The following MYCBP2 variants were observed in gnomAD, a reference collection of about 807,000 sequenced individuals.
MYCBP2 encodes the protein MYC binding protein 2.
In MYCBP2, 120 loss-of-function variants were observed where a neutral mutation model predicts 525.3. The observed-to-expected ratio is 0.23, with a 90% confidence interval of 0.20 to 0.27. The LOEUF (loss-of-function observed/expected upper bound fraction) is 0.27. MYCBP2 is among the 10% of genes least tolerant of loss of function. The pLI is 1.00. For missense variants in MYCBP2, 4,149 were observed against 5,657.1 expected (o/e 0.73, Z 8.55); for synonymous variants, 1,894 against 1,955.8 (o/e 0.97, Z 0.83).
At chr13:77,056,099 G>GGGGGGT (rs536899192) in intron 79 of MYCBP2, among the ~76,000 whole-genome samples, 2 of 120,522 alleles carry the variant, frequency 1.7e-5, no homozygotes, top group African/African-American at 6.6e-5. Context: ...CTCTGTGTTT[G>GGGGGGT]GTGTGTGTGT....
intron 61 of MYCBP2, among the ~76,000 whole-genome samples, chr13:77,088,612 A>G (rs2044788231): frequency 6.6e-6 from 1 of 152,042 alleles, no homozygotes; most frequent in Non-Finnish European, 1.5e-5. Flanking sequence ...AAAGCAATAC[A>G]GAAATAAATT....
chr13:77,243,221 A>G, intron 16 of MYCBP2, 61 bp from the exon 17 acceptor site: 1 of 1,224,956 alleles, frequency 8.2e-7, no homozygotes, highest in South Asian at 1.2e-5. Context: ...TAGCTATGAC[A>G]GAACTACATA....
intron 1 of MYCBP2, among the ~76,000 whole-genome samples, chr13:77,318,702 C>T (rs1226372653): frequency 6.6e-5 from 10 of 152,128 alleles, no homozygotes; most frequent in Non-Finnish European, 1.5e-4. Context: ...TGCAGTGAGC[C>T]GAGATCGCAC....
chr13:77,062,512 T>C, intron 74 of MYCBP2, 84 bp downstream of exon 74: 1 of 1,154,594 alleles, frequency 8.7e-7, no homozygotes, highest in African/African-American at 1.5e-5. Context: ...TGATGTGTTT[T>C]TTGTTTGTTT....
intron 8 of MYCBP2, among the ~76,000 whole-genome samples, chr13:77,265,987 G>A (rs1347321757): frequency 6.6e-6 from 1 of 152,098 alleles, no homozygotes; most frequent in East Asian, 1.9e-4. Flanking sequence ...AACACAGAAA[G>A]CCACACTTGT....
At position 77,156,072 on chromosome 13, in the gene MYCBP2, C is replaced by T. The variant is rs768855872; in HGVS notation, c.6901G>A (p.Val2301Ile). Residue 2301 changes from valine (V) to isoleucine (I), a missense_variant, in exon 46 of 83, where the codon GTT (valine) becomes ATT (isoleucine). Physicochemically the swap from Val to Ile is conservative, Grantham distance 29 (BLOSUM62 3). Transcript: ENST00000544440. ...TKDQYGDVVH[V>I]PNMKVEVKAV... ...GTTATAATTACCTTCATATTGGGAA[C>T]ATGTACCACATCCCCATACTGGTCT... The T allele has an allele frequency of 6.2e-6, 10 of 1,612,850 alleles. No individual in the cohort carries two copies. In the South Asian group the frequency reaches 8.8e-5, roughly 14 times the overall value.
Position 77,326,879 on chromosome 13 carries a change from G to T in MYCBP2, c.-104C>A. 8.9e-7 allele frequency: 1 copy of T among 1,122,468 alleles called. No homozygotes were observed. Among genetic ancestry groups the T allele is most frequent in the South Asian group, 2.4e-5 (1 of 41,502 alleles). The allele number at this position is 1,122,468 out of a possible 1,614,324, so 69.5% of individuals were successfully genotyped here. Reference sequence around the variant, plus strand: ...TTCCAACGACGACGGCTCCGGCGGCGGCCTCTGGCTCCCGCAGCAGGGAGA... The same window carrying T: ...TTCCAACGACGACGGCTCCGGCGGCTGCCTCTGGCTCCCGCAGCAGGGAGA... On this transcript the variant is annotated 5_prime_UTR_variant, in exon 1 of 83. Transcript: ENST00000544440. This position sits in a 1 kb window ranked among gnomAD's most constrained non-coding sequence, Gnocchi z 4.2.
intron 3 of MYCBP2, among the ~76,000 whole-genome samples, chr13:77,286,282 T>C (rs2076749638): frequency 1.3e-5 from 2 of 152,164 alleles, no homozygotes. Context: ...AATTTTAAGG[T>C]ATCAGTTTAG....
At chr13:77,214,279 C>T (rs1185955699) in intron 21 of MYCBP2, among the ~76,000 whole-genome samples, 4 of 152,178 alleles carry the variant, frequency 2.6e-5, no homozygotes, top group Admixed American at 2.6e-4. Flanking sequence ...ACTACATAGG[C>T]ATTAACCTTC....
chr13:77,298,038 C>T (rs777597288), intron 1 of MYCBP2, among the ~76,000 whole-genome samples: 1 of 152,196 alleles, frequency 6.6e-6, no homozygotes, highest in African/African-American at 2.4e-5. Context: ...CTTCTCAATT[C>T]TCTTAAGATA....
chr13:77,136,399 A>C (rs2053771511), intron 52 of MYCBP2, among the ~76,000 whole-genome samples: 1 of 152,188 alleles, frequency 6.6e-6, no homozygotes, highest in South Asian at 2.1e-4. Context: ...GGATTTTATT[A>C]AATCTTCTAA....
Position 77,176,541 on chromosome 13 carries a change from TG to T in MYCBP2, c.5427del (p.Ser1810ValfsTer3). ...VKGTYTTDDS[P>X]SDIAEIRLDK... The stretch of plus-strand genomic sequence containing the variant: ...TCAAGTCTGATCTCAGCTATATCAC[TG>T]GGTGAGTCATCCGTTGTGTACGTTC... On this transcript the variant is annotated frameshift_variant, in exon 36 of 83. Transcript: ENST00000544440. LOFTEE classifies it high-confidence loss of function. 6.3e-7 allele frequency: 1 copy of T among 1,599,632 alleles called. No individual in the cohort carries two copies. Among genetic ancestry groups the T allele is most frequent in the South Asian group, 1.1e-5 (1 of 88,580 alleles).
At chr13:77,114,631 ACT>A (rs1006676790) in intron 55 of MYCBP2, among the ~76,000 whole-genome samples, 2 of 151,672 alleles carry the variant, frequency 1.3e-5, no homozygotes, top group Non-Finnish European at 2.9e-5. Flanking sequence ...TAATAGAAAA[ACT>A]CTTGTTGCAA....
At chr13:77,296,315 G>A (rs1388172050) in intron 2 of MYCBP2, among the ~76,000 whole-genome samples, 1 of 151,950 alleles carries the variant, frequency 6.6e-6, no homozygotes, top group Non-Finnish European at 1.5e-5. Context: ...AGCTACTCAG[G>A]AGGCTGAGGT....
chr13:77,180,096 T>G (rs1007189810), intron 34 of MYCBP2, 31 bp downstream of exon 34: 2 of 1,551,190 alleles, frequency 1.3e-6, no homozygotes, highest in African/African-American at 2.7e-5. Flanking sequence ...CACATGTGCT[T>G]TTTATCCAGT....
At chr13:77,105,162 G>A (rs2154137776) in intron 55 of MYCBP2, among the ~76,000 whole-genome samples, 1 of 152,182 alleles carries the variant, frequency 6.6e-6, no homozygotes, top group South Asian at 2.1e-4. Context: ...CTAAAAATCT[G>A]TGAAGACTCC....
At chr13:77,229,408 C>G (rs1362598531) in intron 18 of MYCBP2, among the ~76,000 whole-genome samples, 4 of 152,112 alleles carry the variant, frequency 2.6e-5, no homozygotes, top group Non-Finnish European at 5.9e-5. Context: ...AATGGTAGGA[C>G]AAATTTAGAG....
chr13:77,073,125 G>T (rs2041672219), intron 68 of MYCBP2, among the ~76,000 whole-genome samples: 1 of 151,930 alleles, frequency 6.6e-6, no homozygotes, highest in East Asian at 1.9e-4. Flanking sequence ...TCTAAAAGAA[G>T]CACTATATCA....
intron 3 of MYCBP2, among the ~76,000 whole-genome samples, chr13:77,287,100 G>T (rs991054497): frequency 6.6e-6 from 1 of 151,228 alleles, no homozygotes; most frequent in Admixed American, 6.6e-5. Context: ...TGTTAGCCAG[G>T]ATGGTCTCGA....
Sources: allele counts gnomAD v4.1 joint callset (sites outside exome capture counted in the v4.1 genomes callset), GRCh38; gene constraint gnomAD v4.1.1; non-coding constraint Gnocchi (gnomAD v3.1); transcripts MANE v1.5; gene names NCBI Gene and HGNC (gene_info 2026-07-23, HGNC 2026-07-21).